The following PLCL1 variants were observed in gnomAD, a reference collection of about 807,000 sequenced individuals.
The protein encoded by PLCL1 is inactive phospholipase C-like protein 1.
In PLCL1, 41 loss-of-function variants were observed where a neutral mutation model predicts 84.4. The observed-to-expected ratio is 0.49, with a 90% CI of 0.38 to 0.63. The LOEUF (loss-of-function observed/expected upper bound fraction) is 0.63. Ranked by LOEUF, PLCL1 falls within the 30% of genes least tolerant of loss-of-function variation. PLCL1 has a pLI of 0.00. For synonymous variants in PLCL1, 490 were observed against 488.3 expected (o/e 1.00, Z -0.05); for missense variants, 1,206 against 1,367.8 (o/e 0.88, Z 1.87).
At chr2:197,958,123 T>C (rs1231655456) in intron 1 of PLCL1, among the ~76,000 whole-genome samples, 1 of 152,054 alleles carries the variant, frequency 6.6e-6, no homozygotes, top group Non-Finnish European at 1.5e-5. Flanking sequence ...TAACAACTCT[T>C]TGGTTAAGGG....
At chr2:198,139,918 A>G (rs1262565651) in intron 5 of PLCL1, among the ~76,000 whole-genome samples, 1 of 152,042 alleles carries the variant, frequency 6.6e-6, no homozygotes, top group Non-Finnish European at 1.5e-5. Context: ...TGAGAATTTG[A>G]AACATTAAAT....
chr2:198,059,014 C>A (rs188331171), intron 1 of PLCL1, among the ~76,000 whole-genome samples: 143 of 152,220 alleles, frequency 9.4e-4, no homozygotes, highest in African/African-American at 3.4e-3. Flanking sequence ...TGTTTCATTG[C>A]CTATAACCCC....
chr2:198,132,285 G>A (rs1694138347), intron 5 of PLCL1, among the ~76,000 whole-genome samples: 1 of 152,174 alleles, frequency 6.6e-6, no homozygotes, highest in Admixed American at 6.5e-5. Context: ...AGTTTTGGCT[G>A]TGGTGGTTGG....
intron 1 of PLCL1, among the ~76,000 whole-genome samples, chr2:197,982,988 T>A (rs1690141043): frequency 6.6e-6 from 1 of 152,138 alleles, no homozygotes. Flanking sequence ...TTGGTAATAA[T>A]AAAAATTGGC....
At chr2:198,017,681 T>C (rs1691030452) in intron 1 of PLCL1, among the ~76,000 whole-genome samples, 1 of 152,238 alleles carries the variant, frequency 6.6e-6, no homozygotes, top group Non-Finnish European at 1.5e-5. Context: ...CTTTTGCCAA[T>C]AGGCACACAT....
chr2:197,964,030 T>C (rs549463080), intron 1 of PLCL1, among the ~76,000 whole-genome samples: 5 of 152,182 alleles, frequency 3.3e-5, no homozygotes, highest in Non-Finnish European at 7.4e-5. Flanking sequence ...TGAAGTCGGA[T>C]AATGTAATTT....
At chr2:198,022,763 A>G (rs2105841197) in intron 1 of PLCL1, among the ~76,000 whole-genome samples, 1 of 152,290 alleles carries the variant, frequency 6.6e-6, no homozygotes, top group South Asian at 2.1e-4. Flanking sequence ...ACAAACAAAT[A>G]GAAAAACTTT....
At chr2:197,856,161 C>T (rs1169547636) in intron 1 of PLCL1, among the ~76,000 whole-genome samples, 3 of 152,188 alleles carry the variant, frequency 2.0e-5, no homozygotes, top group Admixed American at 6.6e-5. Context: ...AGAGGAAACA[C>T]ACATATGCAT....
chr2:197,942,250 T>A (rs1460279068), intron 1 of PLCL1, among the ~76,000 whole-genome samples: 1 of 152,122 alleles, frequency 6.6e-6, no homozygotes. Context: ...ATCAGTCCAT[T>A]TCCATCTTTA....
rs927818303 is a variant in PLCL1 at position 198,096,494 on chromosome 2, T to A, written c.2920-4791T>A. ...ATTTGATCATTTCCATTATTTTAAGTTGTTATGAAAAATATTTGGGTAATA... is the reference window on the plus strand; with the variant it reads ...ATTTGATCATTTCCATTATTTTAAGATGTTATGAAAAATATTTGGGTAATA... On this transcript the variant is annotated intron_variant, in intron 3 of 5. Transcript: ENST00000428675. Among the ~76,000 whole-genome samples, 11 of 152,188 alleles carry A rather than the reference T, an allele frequency of 7.2e-5. No individual in the cohort carries two copies. The South Asian group carries it at 2.3e-3, about 31-fold the overall frequency.
At chr2:197,842,229 AC>A (rs1369812972) in intron 1 of PLCL1, among the ~76,000 whole-genome samples, 1 of 151,858 alleles carries the variant, frequency 6.6e-6, no homozygotes, top group Non-Finnish European at 1.5e-5. Context: ...TTATTCTCCT[AC>A]CCCTCATTCC....
intron 1 of PLCL1, among the ~76,000 whole-genome samples, chr2:198,009,868 G>T (rs1412965168): frequency 6.6e-6 from 1 of 151,898 alleles, no homozygotes; most frequent in East Asian, 1.9e-4. Context: ...GCAATGTTTT[G>T]TAGTTCTCAG....
chr2:197,923,505 C>T (rs1412610273), intron 1 of PLCL1, among the ~76,000 whole-genome samples: 6 of 143,912 alleles, frequency 4.2e-5, no homozygotes, highest in Non-Finnish European at 9.2e-5. Context: ...AGAGGCGCTC[C>T]TCACATCCCA....
intron 1 of PLCL1, among the ~76,000 whole-genome samples, chr2:197,945,229 G>C (rs549081837): frequency 3.9e-5 from 6 of 152,286 alleles, no homozygotes; most frequent in Middle Eastern, 3.4e-3. Flanking sequence ...GTTCATGGCA[G>C]GATTTTGAAC....
At chr2:198,064,934 A>G (rs1382717502) in intron 1 of PLCL1, among the ~76,000 whole-genome samples, 1 of 152,162 alleles carries the variant, frequency 6.6e-6, no homozygotes, top group East Asian at 1.9e-4. Flanking sequence ...AAGCTTGTGG[A>G]GACAGAAAAT....
intron 1 of PLCL1, among the ~76,000 whole-genome samples, chr2:197,899,602 T>G (rs1688221035): frequency 6.6e-6 from 1 of 151,922 alleles, no homozygotes; most frequent in South Asian, 2.1e-4. Flanking sequence ...CTAAGAAGGA[T>G]TCTGCCTCAG....
rs547710949 is a variant in PLCL1, at chr2:197,805,720, A to T, written c.240+381A>T. On this transcript the variant is annotated intron_variant, in intron 1 of 5. Coordinates refer to ENST00000428675, the MANE Select transcript of PLCL1 (RefSeq NM_006226.4). The surrounding 1 kb of genome is among the most constrained non-coding windows in gnomAD (Gnocchi z 4.0). ...CCAATGAAGGGTTAGCTTTTCCCAT[A>T]CAATGAAGAAAATGCACAGCTTACT... Among the ~76,000 whole-genome samples, 1 of 152,374 alleles carries T rather than the reference A, an allele frequency of 6.6e-6. No individual in the cohort carries two copies. The highest frequency in any genetic ancestry group is 2.4e-5 in the African/African-American group (1 of 41,588).
Position 197,979,190 on chromosome 2 carries a change from C to T in PLCL1, c.241-104568C>T, listed in dbSNP as rs181640824. On this transcript the variant is annotated intron_variant, in intron 1 of 5. Transcript: ENST00000428675. ...TTAGAGGACATCCGGCTTCTGAGGC[C>T]CTTTGGGACTGTACATGATTTTGCT... Among the ~76,000 whole-genome samples, 298 of 152,210 alleles carry T rather than the reference C, an allele frequency of 2.0e-3. 1 individual carries two copies. Among genetic ancestry groups the T allele is most frequent in the African/African-American group, 6.6e-3 (275 of 41,528 alleles).
At chr2:197,964,781 GT>G (rs912593942) in intron 1 of PLCL1, among the ~76,000 whole-genome samples, 4 of 152,110 alleles carry the variant, frequency 2.6e-5, no homozygotes, top group Admixed American at 2.6e-4. Context: ...TTTTTTGAGA[GT>G]TTTTATCATG....
Sources: gnomAD v4.1 joint callset for allele counts (sites outside exome capture counted in the v4.1 genomes callset) on GRCh38, gnomAD v4.1.1 for gene constraint, Gnocchi (gnomAD v3.1) non-coding constraint, MANE v1.5 for transcripts, NCBI Gene and HGNC (gene_info 2026-07-23, HGNC 2026-07-21) for gene names.